SNTG1: variants seen among roughly 807,000 people sequenced by gnomAD.
SNTG1 encodes the protein gamma-1-syntrophin.
Under a neutral mutation model 74.7 loss-of-function variants are expected in SNTG1, and 39 were observed. The observed-to-expected ratio is 0.52, with a 90% CI of 0.40 to 0.68. The LOEUF (loss-of-function observed/expected upper bound fraction) is 0.68, where lower values mean the gene tolerates loss of function less well. Among genes scored for constraint, SNTG1 ranks in the 30% least tolerant of loss-of-function variants. The pLI is 0.00. For synonymous variants in SNTG1, 254 were observed against 217.1 expected, an observed-to-expected ratio of 1.17 and a Z score of -1.49; for missense variants, 685 against 609.5, an observed-to-expected ratio of 1.12 and a Z score of -1.30.
At chr8:50,007,346 G>A (rs768592075) in intron 1 of SNTG1, among the ~76,000 whole-genome samples, 19 of 152,056 alleles carry the variant, frequency 1.2e-4, no homozygotes, top group Non-Finnish European at 2.4e-4. Context: ...TCCTTGGGTC[G>A]TCTTTCATTT....
At chr8:50,626,714 T>C (rs996597183) in intron 13 of SNTG1, among the ~76,000 whole-genome samples, 11 of 152,178 alleles carry the variant, frequency 7.2e-5, no homozygotes, top group African/African-American at 2.7e-4. Context: ...TTTTCTGCCT[T>C]GGGTGGGCCA....
intron 4 of SNTG1, among the ~76,000 whole-genome samples, chr8:50,410,837 G>C (rs1189114714): frequency 6.6e-6 from 1 of 151,984 alleles, no homozygotes; most frequent in African/African-American, 2.4e-5. Flanking sequence ...CAAACGGAAG[G>C]GTTCCCTTCT....
rs143461736 is a variant in SNTG1 at position 50,488,827 on chromosome 8, C to T, written c.364-13951C>T. On this transcript the variant is annotated intron_variant, in intron 8 of 18. Transcript: ENST00000642720. ...AGTTCTGGGATAAATGTGCAGAACG[C>T]GCAGGTTTGTTACATAAGTATAAAC... Among the ~76,000 whole-genome samples the T allele has an allele frequency of 3.7e-3, 565 of 152,120 alleles. 4 individuals are homozygous for T. The highest frequency in any genetic ancestry group is 0.011 in the African/African-American group (447 of 41,512).
chr8:50,081,334 T>G (rs1822387022), intron 1 of SNTG1, among the ~76,000 whole-genome samples: 1 of 152,176 alleles, frequency 6.6e-6, no homozygotes, highest in Non-Finnish European at 1.5e-5. Flanking sequence ...ATCTCTAGCC[T>G]TTACCAAGTT....
At chr8:50,201,050 C>G (rs758517184) in intron 2 of SNTG1, among the ~76,000 whole-genome samples, 2 of 152,060 alleles carry the variant, frequency 1.3e-5, no homozygotes, top group Non-Finnish European at 2.9e-5. Context: ...TCTCTAACAT[C>G]ATGGCTTGCT....
At chr8:50,530,089 G>A (rs74832155) in intron 9 of SNTG1, 88 bp from the exon 10 acceptor site, 5 of 1,035,224 alleles carry the variant, frequency 4.8e-6, no homozygotes, top group Middle Eastern at 2.1e-4. Context: ...TGATATTACT[G>A]AGTATCCTTG....
At chr8:50,516,809 C>A (rs991828587) in intron 9 of SNTG1, among the ~76,000 whole-genome samples, 1 of 152,134 alleles carries the variant, frequency 6.6e-6, no homozygotes, top group Non-Finnish European at 1.5e-5. Context: ...AAGACCAAAC[C>A]TACATTTGAT....
intron 1 of SNTG1, among the ~76,000 whole-genome samples, chr8:50,135,469 T>A (rs2081442167): frequency 1.3e-5 from 2 of 152,206 alleles, no homozygotes; most frequent in South Asian, 4.1e-4. Flanking sequence ...TAGCAGCAGA[T>A]AATATTGTTG....
chr8:50,485,202 TG>T (rs1427460948), intron 8 of SNTG1, among the ~76,000 whole-genome samples: 1 of 152,202 alleles, frequency 6.6e-6, no homozygotes, highest in Admixed American at 6.5e-5. Flanking sequence ...CATCAGGTTG[TG>T]TGGGCAGGGT....
chr8:50,332,692 T>C (rs920403428), intron 2 of SNTG1, among the ~76,000 whole-genome samples: 6 of 152,170 alleles, frequency 3.9e-5, no homozygotes, highest in African/African-American at 1.4e-4. Flanking sequence ...GGCAATCTTC[T>C]CTCTGTAAAA....
intron 1 of SNTG1, among the ~76,000 whole-genome samples, chr8:50,116,775 C>G (rs575773005): frequency 6.6e-6 from 1 of 152,218 alleles, no homozygotes; most frequent in South Asian, 2.1e-4. Flanking sequence ...GCTGCTGCTC[C>G]TATTTGCCTG....
chr8:50,704,267 T>C (rs2131528278), intron 15 of SNTG1, among the ~76,000 whole-genome samples: 1 of 152,308 alleles, frequency 6.6e-6, no homozygotes, highest in East Asian at 1.9e-4. Context: ...ATAACAGTTA[T>C]GTAAGGAAGG....
In SNTG1 at chr8:50,097,137, T is replaced by A. The variant is rs545001043; in HGVS notation, c.-102-75424T>A. Among the ~76,000 whole-genome samples the A allele has an allele frequency of 5.3e-5, 8 of 151,968 alleles. No individual in the cohort carries two copies. In the East Asian group the frequency reaches 1.4e-3, roughly 26 times the overall value. On this transcript the variant is annotated intron_variant, in intron 1 of 18. Coordinates refer to ENST00000642720, the MANE Select transcript of SNTG1 (RefSeq NM_018967.5). ...GGTGCCCACCACCACACCCGGCTAA[T>A]TTTTTTGTGTTTTTAGTAGAGACGC...
At chr8:50,442,969 C>A (rs768320452) in intron 5 of SNTG1, among the ~76,000 whole-genome samples, 4 of 152,162 alleles carry the variant, frequency 2.6e-5, no homozygotes, top group Non-Finnish European at 5.9e-5. Flanking sequence ...CCAGCCCCAC[C>A]AACTCTTGTC....
chr8:50,189,335 A>G (rs72640716), intron 2 of SNTG1, among the ~76,000 whole-genome samples: 2,043 of 152,200 alleles, frequency 0.013, 23 homozygotes, highest in Non-Finnish European at 0.021. Flanking sequence ...AAGTGAGCAT[A>G]CAATGGAATC....
intron 17 of SNTG1, among the ~76,000 whole-genome samples, chr8:50,747,250 T>C (rs1194744755): frequency 1.3e-5 from 2 of 151,966 alleles, no homozygotes; most frequent in African/African-American, 2.4e-5. Context: ...GCAGAAAATA[T>C]TGACTTCAAT....
At chr8:49,922,407 A>C (rs1806632521) in intron 1 of SNTG1, among the ~76,000 whole-genome samples, 1 of 152,136 alleles carries the variant, frequency 6.6e-6, no homozygotes, top group African/African-American at 2.4e-5. Context: ...AACCCAAAAG[A>C]ATTAATGTAC....
intron 17 of SNTG1, among the ~76,000 whole-genome samples, chr8:50,710,303 G>A (rs576328824): frequency 6.6e-6 from 1 of 151,992 alleles, no homozygotes; most frequent in Non-Finnish European, 1.5e-5. Flanking sequence ...TTTCAAATGA[G>A]GCTGCCATAA....
intron 13 of SNTG1, among the ~76,000 whole-genome samples, chr8:50,634,963 T>C (rs1483641): frequency 0.86 from 131,608 of 152,148 alleles, 57,137 homozygotes; most frequent in African/African-American, 0.92. Context: ...CCGCAGTCTG[T>C]ACCTTTGGGA....
Sources: allele counts gnomAD v4.1 joint callset (sites outside exome capture counted in the v4.1 genomes callset), GRCh38; gene constraint gnomAD v4.1.1; transcripts MANE v1.5; gene names NCBI Gene and HGNC (gene_info 2026-07-23, HGNC 2026-07-21).